The following AFF2 variants were observed in gnomAD, a reference collection of about 807,000 sequenced individuals.
AFF2 encodes AF4/FMR2 family member 2.
A neutral mutation model predicts 76.9 loss-of-function variants in AFF2; 14 were observed. The ratio of observed to expected loss-of-function variants is 0.18; its 90% confidence interval spans 0.12 to 0.28. The LOEUF (loss-of-function observed/expected upper bound fraction) is 0.28, where lower values mean the gene tolerates loss of function less well. Ranked by LOEUF, AFF2 falls within the 10% of genes least tolerant of loss-of-function variation. AFF2 has a pLI of 1.00. For missense variants in AFF2, 868 were observed against 1,001.1 expected (o/e 0.87, Z 1.79); for synonymous variants, 398 against 366.7 (o/e 1.09, Z -0.98).
intron 1 of AFF2, among the ~76,000 whole-genome samples, chrX:148,603,799 C>A (rs1320817653): frequency 1.8e-5 from 2 of 109,605 alleles, no homozygotes; most frequent in Non-Finnish European, 3.8e-5. Context: ...TGCCTTTCTT[C>A]CATTTACAAT....
chrX:148,603,565 T>A (rs1462248363), intron 1 of AFF2, among the ~76,000 whole-genome samples: 1 of 110,432 alleles, frequency 9.1e-6, no homozygotes, highest in Non-Finnish European at 1.9e-5. Flanking sequence ...TTGAGATGTT[T>A]ATCATCATCT....
chrX:148,843,472 T>C (rs1339108332), intron 7 of AFF2, 39 bp downstream of exon 7: 1 of 1,137,342 alleles, frequency 8.8e-7, no homozygotes, highest in Non-Finnish European at 1.2e-6. Context: ...TTTTTGGGGA[T>C]ATTTGGCAAG....
At chrX:148,528,033 G>T (rs902639257) in intron 1 of AFF2, among the ~76,000 whole-genome samples, 1 of 112,124 alleles carries the variant, frequency 8.9e-6, no homozygotes, top group Non-Finnish European at 1.9e-5. Flanking sequence ...AAAGTGATGC[G>T]CTGCTAACCA....
chrX:148,589,574 C>G (rs1478433789), intron 1 of AFF2, among the ~76,000 whole-genome samples: 7 of 112,173 alleles, frequency 6.2e-5, no homozygotes, highest in Non-Finnish European at 1.1e-4. Context: ...CATCAGGGCT[C>G]TCAGTGTCTC....
chrX:148,641,035 CAT>C (rs1557254614), intron 1 of AFF2, among the ~76,000 whole-genome samples: 2 of 111,799 alleles, frequency 1.8e-5, no homozygotes, highest in African/African-American at 6.5e-5. Flanking sequence ...AAAGTTATAA[CAT>C]GTGTTACTCT....
rs782231796 is a variant in AFF2, at chrX:148,751,706, T to TA, written c.1042-58164dup. Among the ~76,000 whole-genome samples, 5 of 111,661 alleles carry TA rather than the reference T, an allele frequency of 4.5e-5. No individual in the cohort carries two copies. The East Asian group carries it at 1.4e-3, about 32-fold the overall frequency. Reference sequence around the variant, plus strand: ...CCTGGGTAGCCAAATAGCAGGTGCTTAAAAAATGGTGGTATTGACAGCCAT... The same window carrying TA: ...CCTGGGTAGCCAAATAGCAGGTGCTTAAAAAAATGGTGGTATTGACAGCCAT... On this transcript the variant is annotated intron_variant, in intron 3 of 20. Coordinates refer to ENST00000370460, the MANE Select transcript of AFF2 (RefSeq NM_002025.4).
At chrX:148,965,671 GC>G (rs1361390171) in intron 13 of AFF2, among the ~76,000 whole-genome samples, 2 of 112,371 alleles carry the variant, frequency 1.8e-5, no homozygotes, top group Middle Eastern at 4.6e-3. Flanking sequence ...GGCGCTAATG[GC>G]CATGTTGGTA....
intron 9 of AFF2, among the ~76,000 whole-genome samples, chrX:148,915,438 C>A (rs907534311): frequency 1.8e-5 from 2 of 112,270 alleles, no homozygotes; most frequent in African/African-American, 6.5e-5. Context: ...AATTTGTTTA[C>A]TGTCTTCTGC....
chrX:148,979,609 T>C (rs1037255144), intron 18 of AFF2, among the ~76,000 whole-genome samples: 1 of 112,207 alleles, frequency 8.9e-6, no homozygotes, highest in South Asian at 3.7e-4. Flanking sequence ...AGTTCCCTGG[T>C]GATGCTTCTG....
At chrX:148,882,471 C>G (rs1241535609) in intron 7 of AFF2, among the ~76,000 whole-genome samples, 1 of 111,998 alleles carries the variant, frequency 8.9e-6, no homozygotes, top group Admixed American at 9.5e-5. Flanking sequence ...AGACCCTGAA[C>G]AGACAACAGA....
intron 7 of AFF2, among the ~76,000 whole-genome samples, chrX:148,845,634 T>G (rs2070657650): frequency 8.9e-6 from 1 of 112,494 alleles, no homozygotes. Flanking sequence ...TTCCAACTTA[T>G]CGGCTTAGCC....
intron 3 of AFF2, among the ~76,000 whole-genome samples, chrX:148,699,881 A>G (rs1292457499): frequency 1.8e-5 from 2 of 112,298 alleles, no homozygotes. Context: ...TCAAATGTCA[A>G]TGTTTTAATG....
chrX:148,935,366 C>A (rs2071761886), intron 9 of AFF2, among the ~76,000 whole-genome samples: 1 of 102,691 alleles, frequency 9.7e-6, no homozygotes, highest in Admixed American at 1.1e-4. Flanking sequence ...GATAGGCTAA[C>A]AATAAGCTTA....
At chrX:148,738,135 A>G (rs1303516531) in intron 3 of AFF2, among the ~76,000 whole-genome samples, 1 of 111,357 alleles carries the variant, frequency 9.0e-6, no homozygotes, top group East Asian at 2.8e-4. Flanking sequence ...GCTTCATAGA[A>G]TGAATTAGGG....
intron 1 of AFF2, among the ~76,000 whole-genome samples, chrX:148,585,866 A>G (rs1309312957): frequency 9.2e-6 from 1 of 108,386 alleles, no homozygotes; most frequent in Admixed American, 9.9e-5. Flanking sequence ...AAGAAAAAGA[A>G]AAGACTGAGT....
At chrX:148,877,709 T>C (rs2071050930) in intron 7 of AFF2, among the ~76,000 whole-genome samples, 2 of 112,264 alleles carry the variant, frequency 1.8e-5, no homozygotes, top group Non-Finnish European at 3.8e-5. Flanking sequence ...TGTTCTGTTA[T>C]CAGCAGCTGA....
chrX:148,928,905 A>G (rs1385337272), intron 9 of AFF2, among the ~76,000 whole-genome samples: 1 of 112,293 alleles, frequency 8.9e-6, no homozygotes, highest in Non-Finnish European at 1.9e-5. Context: ...AAAGTTAATT[A>G]CTAGTAGTTG....
At chrX:148,899,435 A>C (rs782814229) in intron 8 of AFF2, among the ~76,000 whole-genome samples, 2 of 111,827 alleles carry the variant, frequency 1.8e-5, no homozygotes, top group South Asian at 7.5e-4. Flanking sequence ...TTACCAATAC[A>C]TGCTGCTAGG....
intron 3 of AFF2, among the ~76,000 whole-genome samples, chrX:148,798,236 C>A (rs904369179): frequency 3.6e-5 from 4 of 111,405 alleles, no homozygotes; most frequent in Non-Finnish European, 5.7e-5. Context: ...TTATCAGGAA[C>A]CCACTCCCAT....
Sources: allele counts gnomAD v4.1 joint callset (sites outside exome capture counted in the v4.1 genomes callset), GRCh38; gene constraint gnomAD v4.1.1; transcripts MANE v1.5; gene names NCBI Gene and HGNC (gene_info 2026-07-23, HGNC 2026-07-21).